Variants in CHN2 observed in about 807,000 individuals in gnomAD.
CHN2 encodes the protein beta-chimaerin.
A neutral mutation model predicts 56.3 loss-of-function variants in CHN2; 35 were observed. The ratio of observed to expected loss-of-function variants is 0.62; its 90% CI spans 0.47 to 0.82. The LOEUF is 0.82. Among genes scored for constraint, CHN2 ranks in the 40% least tolerant of loss-of-function variants. The probability of loss-of-function intolerance (pLI) is 0.00; values close to 1 mark genes in which losing one functional copy is unlikely to be tolerated. For missense variants in CHN2, 491 were observed against 580.5 expected (o/e 0.85, Z 1.58); for synonymous variants, 210 against 212.8 (o/e 0.99, Z 0.12).
intron 1 of CHN2, among the ~76,000 whole-genome samples, chr7:29,203,238 G>C (rs377318298): frequency 6.6e-6 from 1 of 152,090 alleles, no homozygotes. Context: ...AGGCCAAGGC[G>C]GGTGGATCAC....
At chr7:29,163,533 G>C (rs890909034) in intron 2 of CHN2, among the ~76,000 whole-genome samples, 1 of 151,978 alleles carries the variant, frequency 6.6e-6, no homozygotes, top group African/African-American at 2.4e-5. Context: ...TATTACCTAA[G>C]AGACAATATC....
chr7:29,354,749 A>G (rs1051653921), intron 2 of CHN2, 86 bp downstream of exon 2: 41 of 1,194,122 alleles, frequency 3.4e-5, no homozygotes, highest in Non-Finnish European at 6.2e-6. Flanking sequence ...TAGTGCACAC[A>G]AGCGTTCCCA....
At chr7:29,328,622 C>G (rs1341789353) in intron 1 of CHN2, among the ~76,000 whole-genome samples, 1 of 151,316 alleles carries the variant, frequency 6.6e-6, no homozygotes, top group Non-Finnish European at 1.5e-5. Flanking sequence ...AACCTTCACT[C>G]TTTTATTACC....
At chr7:29,322,631 G>A (rs375207930) in intron 1 of CHN2, among the ~76,000 whole-genome samples, 7 of 152,140 alleles carry the variant, frequency 4.6e-5, no homozygotes, top group Admixed American at 1.3e-4. Context: ...ATTTCAATAC[G>A]GTTCTGTGGC....
chr7:29,467,733 G>C (rs957270628), intron 6 of CHN2, among the ~76,000 whole-genome samples: 2 of 152,186 alleles, frequency 1.3e-5, no homozygotes, highest in Non-Finnish European at 2.9e-5. Context: ...GTTATTAGCT[G>C]TGCAAGCTTG....
intron 6 of CHN2, among the ~76,000 whole-genome samples, chr7:29,472,257 C>A (rs148381788): frequency 1.1e-3 from 87 of 79,172 alleles, no homozygotes; most frequent in Admixed American, 7.1e-3. Context: ...CCCATAGAAG[C>A]TTTTCAAAAC....
chr7:29,391,308 A>G lies in CHN2; in HGVS notation c.145-2371A>G, dbSNP rs1384833873. Among the ~76,000 whole-genome samples the G allele has an allele frequency of 2.4e-5, 3 of 126,142 alleles. No homozygotes were observed. The East Asian group carries it at 8.4e-4, about 35-fold the overall frequency. The allele number at this position is 126,142 out of a possible 152,430, so 82.8% of individuals were successfully genotyped here. On this transcript the variant is annotated intron_variant, in intron 3 of 12. Coordinates refer to ENST00000222792, the MANE Select transcript of CHN2 (RefSeq NM_004067.4). ...GTGGGGAAGAGAGGGAGAAAAGGAG[A>G]GAGGGAGGGAGGTAGGAAGGGAAGG...
At chr7:29,326,448 G>A (rs1033827363) in intron 1 of CHN2, among the ~76,000 whole-genome samples, 7 of 152,160 alleles carry the variant, frequency 4.6e-5, no homozygotes, top group Admixed American at 6.5e-5. Context: ...CAGCCACTGC[G>A]CCTGGCCAAT....
rs899180147 is a variant in CHN2, at chr7:29,164,793, A to C, written c.274+17833A>C. On this transcript the variant is annotated intron_variant, in intron 2 of 6. Coordinates refer to the CHN2 transcript ENST00000439384. The stretch of plus-strand genomic sequence containing the variant: ...AAGACCTGTCTCAAAAAAAAAAAAA[A>C]AAAAAAAACAAAGATTATTATTTCT... Among the ~76,000 whole-genome samples, 33 of 151,770 alleles carry C rather than the reference A, an allele frequency of 2.2e-4. 1 individual carries two copies. The highest frequency in any genetic ancestry group is 1.6e-4 in the Non-Finnish European group (11 of 67,878).
intron 6 of CHN2, among the ~76,000 whole-genome samples, chr7:29,440,552 G>A (rs1320958107): frequency 4.6e-5 from 7 of 151,902 alleles, no homozygotes; most frequent in Admixed American, 1.3e-4. Flanking sequence ...TTAGCCAAGC[G>A]TGGTGGCACA....
At chr7:29,322,950 T>C (rs1340269540) in intron 1 of CHN2, among the ~76,000 whole-genome samples, 7 of 152,114 alleles carry the variant, frequency 4.6e-5, no homozygotes, top group African/African-American at 1.4e-4. Flanking sequence ...GGTCAAGAGA[T>C]CGAGACCATC....
At chr7:29,334,252 T>C (rs1488460746) in intron 1 of CHN2, among the ~76,000 whole-genome samples, 1 of 152,050 alleles carries the variant, frequency 6.6e-6, no homozygotes, top group Non-Finnish European at 1.5e-5. Context: ...GGTTTCTTCA[T>C]GTTGGCCAGA....
At chr7:29,367,183 A>G (rs1241176295) in intron 2 of CHN2, among the ~76,000 whole-genome samples, 1 of 152,106 alleles carries the variant, frequency 6.6e-6, no homozygotes, top group African/African-American at 2.4e-5. Flanking sequence ...CAGAAAAATC[A>G]CTCATTATGT....
intron 6 of CHN2, among the ~76,000 whole-genome samples, chr7:29,405,115 C>T (rs1284088423): frequency 6.8e-6 from 1 of 147,488 alleles, no homozygotes; most frequent in Non-Finnish European, 1.5e-5. Flanking sequence ...TACATTAAAG[C>T]ATACCCTGAA....
At chr7:29,296,614 G>C (rs1481670916) in intron 1 of CHN2, among the ~76,000 whole-genome samples, 1 of 152,204 alleles carries the variant, frequency 6.6e-6, no homozygotes, top group African/African-American at 2.4e-5. Flanking sequence ...CTAACAAACA[G>C]ACTCAGTTAG....
At chr7:29,456,810 G>A (rs1042192070) in intron 6 of CHN2, among the ~76,000 whole-genome samples, 3 of 152,062 alleles carry the variant, frequency 2.0e-5, no homozygotes, top group African/African-American at 4.8e-5. Context: ...CACAGGGAGC[G>A]TGCAGACTCA....
chr7:29,473,916 C>T (rs1786368114), intron 6 of CHN2, among the ~76,000 whole-genome samples: 1 of 151,960 alleles, frequency 6.6e-6, no homozygotes, highest in South Asian at 2.1e-4. Context: ...TTATAATATA[C>T]TTTAAAAATC....
intron 2 of CHN2, among the ~76,000 whole-genome samples, chr7:29,160,028 T>G (rs1053940299): frequency 6.6e-6 from 1 of 152,230 alleles, no homozygotes; most frequent in Non-Finnish European, 1.5e-5. Flanking sequence ...CACAGTGTTG[T>G]GGAGAGCCAA....
intron 1 of CHN2, among the ~76,000 whole-genome samples, chr7:29,244,395 A>G (rs1787914601): frequency 6.6e-6 from 1 of 152,232 alleles, no homozygotes. Flanking sequence ...GTCCTCCCTC[A>G]GTCATTTCTG....
Sources: gnomAD v4.1 joint callset for allele counts (sites outside exome capture counted in the v4.1 genomes callset) on GRCh38, gnomAD v4.1.1 for gene constraint, MANE v1.5 for transcripts, NCBI Gene and HGNC (gene_info 2026-07-23, HGNC 2026-07-21) for gene names.